EXOC4: variants seen among roughly 807,000 people sequenced by gnomAD.
The protein encoded by EXOC4 is exocyst complex component 4, also known as SEC8-like 1.
Under a neutral mutation model 107.2 loss-of-function variants are expected in EXOC4, and 71 were observed. The observed-to-expected ratio is 0.66, with a 90% CI of 0.55 to 0.81. The LOEUF (loss-of-function observed/expected upper bound fraction) is 0.81, where lower values mean the gene tolerates loss of function less well. Ranked by LOEUF, EXOC4 falls within the 30% of genes least tolerant of loss-of-function variation. EXOC4 has a pLI of 0.00. For missense variants in EXOC4, 1,108 were observed against 1,189.6 expected, an observed-to-expected ratio of 0.93 and a Z score of 1.01; for synonymous variants, 456 against 441.2, an observed-to-expected ratio of 1.03 and a Z score of -0.42.
downstream of EXOC4, among the ~76,000 whole-genome samples, chr7:134,069,542 G>A (rs191543827): frequency 3.0e-3 from 463 of 151,900 alleles, 1 homozygote; most frequent in African/African-American, 0.011. Flanking sequence ...CTGTTGCCCC[G>A]GCTGGAGTGC....
chr7:133,576,586 A>G, intron 9 of EXOC4: 1 of 1,289,834 alleles, frequency 7.8e-7, no homozygotes, highest in Non-Finnish European at 1.0e-6. Context: ...CCAGATCTAT[A>G]AAGCGGATTT....
chr7:133,996,514 G>A (rs919302664), intron 14 of EXOC4, among the ~76,000 whole-genome samples: 2 of 152,196 alleles, frequency 1.3e-5, no homozygotes, highest in South Asian at 4.1e-4. Flanking sequence ...ATGTCTAAGT[G>A]GTGCTAAATA....
intron 9 of EXOC4, among the ~76,000 whole-genome samples, chr7:133,624,487 G>T (rs903449903): frequency 6.6e-6 from 1 of 152,136 alleles, no homozygotes; most frequent in African/African-American, 2.4e-5. Context: ...GGAGCTTGAG[G>T]TGGGAGGATC....
chr7:133,840,494 T>TTTTATTTA (rs200907309), intron 11 of EXOC4, among the ~76,000 whole-genome samples: 11 of 151,302 alleles, frequency 7.3e-5, no homozygotes, highest in African/African-American at 2.0e-4. Flanking sequence ...TTTTATTGTA[T>TTTTATTTA]TTTATTTATT....
chr7:133,663,500 A>G (rs769410303), intron 10 of EXOC4, among the ~76,000 whole-genome samples: 11 of 152,154 alleles, frequency 7.2e-5, no homozygotes, highest in Admixed American at 3.9e-4. Flanking sequence ...TTGGAACCTC[A>G]AATTTAAAAT....
intron 12 of EXOC4, among the ~76,000 whole-genome samples, chr7:133,913,568 G>A (rs1400895830): frequency 6.6e-6 from 1 of 152,182 alleles, no homozygotes; most frequent in East Asian, 1.9e-4. Flanking sequence ...GGGTAATTAG[G>A]ATGACTCTGC....
chr7:134,033,047 A>G (rs1251767863), intron 17 of EXOC4, among the ~76,000 whole-genome samples: 1 of 152,216 alleles, frequency 6.6e-6, no homozygotes, highest in Non-Finnish European at 1.5e-5. Context: ...CAATAAATAA[A>G]TGACAGCAAC....
At chr7:133,648,639 G>A (rs1347377768) in intron 10 of EXOC4, among the ~76,000 whole-genome samples, 2 of 152,088 alleles carry the variant, frequency 1.3e-5, no homozygotes, top group African/African-American at 2.4e-5. Flanking sequence ...TGTTAGTGCC[G>A]CCTTTGAACC....
the EXOC4 span, among the ~76,000 whole-genome samples, chr7:134,079,779 G>A: frequency 6.6e-6 from 1 of 152,322 alleles, no homozygotes; most frequent in Non-Finnish European, 1.5e-5. Flanking sequence ...TTTGCACTGA[G>A]CCATCCACAT....
intron 10 of EXOC4, among the ~76,000 whole-genome samples, chr7:133,735,167 A>G (rs1263114731): frequency 8.1e-6 from 1 of 123,730 alleles, no homozygotes; most frequent in Non-Finnish European, 1.6e-5. Context: ...TGGAGGTTGC[A>G]GTGAGCCAAG....
At chr7:134,044,653 A>G (rs1373640784) in intron 17 of EXOC4, among the ~76,000 whole-genome samples, 4 of 152,136 alleles carry the variant, frequency 2.6e-5, no homozygotes, top group South Asian at 2.1e-4. Context: ...AATGCAAGGC[A>G]TCTCCTCCTT....
chr7:133,326,655 A>C (rs1284040477), intron 5 of EXOC4, among the ~76,000 whole-genome samples: 1 of 152,236 alleles, frequency 6.6e-6, no homozygotes, highest in African/African-American at 2.4e-5. Context: ...CTCGGGGGTC[A>C]GGGACCCACT....
At chr7:133,271,737 C>T (rs542080321) in intron 1 of EXOC4, among the ~76,000 whole-genome samples, 2 of 152,284 alleles carry the variant, frequency 1.3e-5, no homozygotes, top group African/African-American at 2.4e-5. Flanking sequence ...GCTGCGCTTA[C>T]GCCGCTTGCT....
At chr7:133,407,489 C>T (rs1797248392) in intron 7 of EXOC4, among the ~76,000 whole-genome samples, 2 of 152,052 alleles carry the variant, frequency 1.3e-5, no homozygotes, top group African/African-American at 4.8e-5. Context: ...TTCAAGTAAT[C>T]AAGTCTACGA....
intron 1 of EXOC4, among the ~76,000 whole-genome samples, chr7:133,264,709 CTCT>C (rs1156780637): frequency 4.6e-5 from 7 of 152,060 alleles, no homozygotes; most frequent in East Asian, 1.9e-4. Flanking sequence ...TGATGAGGGT[CTCT>C]TCTTTTCATA....
chr7:133,322,285 C>T (rs1795131310), intron 5 of EXOC4, among the ~76,000 whole-genome samples: 1 of 151,884 alleles, frequency 6.6e-6, no homozygotes, highest in Admixed American at 6.6e-5. Flanking sequence ...TAGACAAAGT[C>T]TTTGCCCATT....
chr7:133,560,284 T>A (rs1800781115), intron 9 of EXOC4, among the ~76,000 whole-genome samples: 1 of 152,082 alleles, frequency 6.6e-6, no homozygotes. Context: ...TTTTATTTTA[T>A]TTTATTTATT....
At chr7:134,074,391 C>G in the EXOC4 span, among the ~76,000 whole-genome samples, 1 of 152,010 alleles carries the variant, frequency 6.6e-6, no homozygotes. Flanking sequence ...TAAAGAGAGC[C>G]TGGACTCAAG....
chr7:133,343,597 T>C (rs1795716414), intron 5 of EXOC4, among the ~76,000 whole-genome samples: 1 of 141,610 alleles, frequency 7.1e-6, no homozygotes, highest in Non-Finnish European at 1.5e-5. Flanking sequence ...TTTAGTTCCG[T>C]TTTTTTTTTT....
Sources: allele counts gnomAD v4.1 joint callset (sites outside exome capture counted in the v4.1 genomes callset), GRCh38; gene constraint gnomAD v4.1.1; transcripts MANE v1.5; gene names NCBI Gene and HGNC (gene_info 2026-07-23, HGNC 2026-07-21).